Variants in IL1RN observed in about 807,000 individuals in gnomAD.
IL1RN encodes interleukin 1 receptor antagonist.
IL1RN carries 10 observed loss-of-function variants against 13.7 expected under a neutral mutation model. The observed-to-expected ratio is 0.73, with a 90% CI of 0.45 to 1.24. IL1RN has a LOEUF of 1.24. Among genes scored for constraint, IL1RN ranks in the 50% most tolerant of loss-of-function variants. The pLI, the probability that IL1RN is intolerant of heterozygous loss-of-function variation, is 0.00. For synonymous variants in IL1RN, 102 were observed against 82.7 expected, an observed-to-expected ratio of 1.23 and a Z score of -1.27; for missense variants, 213 against 222.1, an observed-to-expected ratio of 0.96 and a Z score of 0.26.
chr2:113,112,391 AG>A (rs1686516035), intron 1 of IL1RN, among the ~76,000 whole-genome samples: 1 of 152,256 alleles, frequency 6.6e-6, no homozygotes, highest in East Asian at 1.9e-4. Context: ...CAAATTGAAA[AG>A]TTGCTAGTCC....
At chr2:113,120,664 G>A (rs1686741535) in intron 2 of IL1RN, among the ~76,000 whole-genome samples, 1 of 152,146 alleles carries the variant, frequency 6.6e-6, no homozygotes, top group East Asian at 1.9e-4. Flanking sequence ...AGCTTTCCCT[G>A]TAACCTGTGT....
In IL1RN at chr2:113,132,827, G is replaced by A. The variant is rs188868709; in HGVS notation, c.490G>A (p.Glu164Lys). Residue 164 changes from glutamate to lysine, a missense_variant, in exon 4 of 4, where the codon GAA (glutamate) becomes AAA (lysine). Physicochemically the swap from Glu to Lys is moderately conservative, Grantham distance 56 (BLOSUM62 1). Coordinates refer to ENST00000409930, the MANE Select transcript of IL1RN (RefSeq NM_173842.3). ...CGTCAGCCTCACCAATATGCCTGACGAAGGCGTCATGGTCACCAAATTCTA... is the reference window on the plus strand; with the variant it reads ...CGTCAGCCTCACCAATATGCCTGACAAAGGCGTCATGGTCACCAAATTCTA... ...QPVSLTNMPD[E>K]GVMVTKFYFQ... 3.1e-6 allele frequency: 5 copies of A among 1,614,112 alleles called. No individual in the cohort carries two copies. The highest frequency in any genetic ancestry group is 1.3e-5 in the African/African-American group (1 of 74,936).
intron 2 of IL1RN, chr2:113,120,160 C>G: frequency 6.9e-7 from 1 of 1,448,962 alleles, no homozygotes; most frequent in Non-Finnish European, 9.7e-7. Flanking sequence ...AGTTTGAAAA[C>G]AATTTTAGGC....
upstream of IL1RN, among the ~76,000 whole-genome samples, chr2:113,114,186 G>A (rs926244724): frequency 2.0e-5 from 3 of 152,160 alleles, no homozygotes; most frequent in East Asian, 1.9e-4. Context: ...TTTCTCTATC[G>A]AAGGCCATAA....
chr2:113,102,439 G>A (rs898231993), upstream of IL1RN, among the ~76,000 whole-genome samples: 18 of 152,200 alleles, frequency 1.2e-4, no homozygotes, highest in Admixed American at 3.3e-4. Flanking sequence ...GAGGGATTCA[G>A]TTCACACAGA....
the IL1RN span, among the ~76,000 whole-genome samples, chr2:113,099,502 C>T: frequency 8.5e-5 from 13 of 152,284 alleles, no homozygotes; most frequent in South Asian, 2.3e-3. Context: ...AGAAAACGAG[C>T]GAACTCACAG....
chr2:113,111,686 A>T (rs1161390380), intron 1 of IL1RN, among the ~76,000 whole-genome samples: 1 of 152,216 alleles, frequency 6.6e-6, no homozygotes, highest in African/African-American at 2.4e-5. Flanking sequence ...TTATGACTGC[A>T]TTGCAGCTCA....
the IL1RN span, among the ~76,000 whole-genome samples, chr2:113,099,910 A>ACT: frequency 7.1e-6 from 1 of 140,476 alleles, no homozygotes; most frequent in Non-Finnish European, 1.6e-5. Flanking sequence ...AATTTTTTGT[A>ACT]TTTTTAGTAG....
chr2:113,121,339 AG>A, intron 2 of IL1RN: 1 of 439,514 alleles, frequency 2.3e-6, no homozygotes, highest in Non-Finnish European at 3.0e-6. Flanking sequence ...TGTGGACAAA[AG>A]GAGATCTGTG....
chr2:113,127,503 G>A, upstream of IL1RN: 1 of 1,468,192 alleles, frequency 6.8e-7, no homozygotes, highest in Non-Finnish European at 9.0e-7. Flanking sequence ...TGCGAGGAGG[G>A]TATTTCCGCT....
upstream of IL1RN, among the ~76,000 whole-genome samples, chr2:113,104,934 G>T (rs1377434988): frequency 6.6e-6 from 1 of 152,160 alleles, no homozygotes; most frequent in Non-Finnish European, 1.5e-5. Flanking sequence ...ACATAGTTCT[G>T]ATTTTGAGAA....
At chr2:113,104,329 G>A (rs1686356944), upstream of IL1RN, among the ~76,000 whole-genome samples, 1 of 152,156 alleles carries the variant, frequency 6.6e-6, no homozygotes, top group African/African-American at 2.4e-5. Context: ...TTCACAGCAT[G>A]AAGTCACCAG....
chr2:113,120,151 G>A, intron 2 of IL1RN: 1 of 1,575,552 alleles, frequency 6.3e-7, no homozygotes, highest in South Asian at 1.1e-5. Flanking sequence ...TAGGATCCAA[G>A]TTTGAAAACA....
chr2:113,132,584 G>C, intron 3 of IL1RN, 72 bp from the exon 4 acceptor site: 1 of 1,377,694 alleles, frequency 7.3e-7, no homozygotes, highest in Non-Finnish European at 1.0e-6. Flanking sequence ...ATTTCATGGC[G>C]TGGAGTGGAG....
chr2:113,118,105 CT>C (rs1558862763), intron 1 of IL1RN: 1 of 1,610,196 alleles, frequency 6.2e-7, no homozygotes, highest in Non-Finnish European at 8.5e-7. Context: ...TTATCAAATG[CT>C]TTCAGGCTCT....
chr2:113,127,605 T>C lies in IL1RN; in HGVS notation c.-20T>C. ...CTCTGGGCCCGCAATGGCAGTCCACTGCCTTGCTGCAGTCACAGAATGGAA... is the reference window on the plus strand; with the variant it reads ...CTCTGGGCCCGCAATGGCAGTCCACCGCCTTGCTGCAGTCACAGAATGGAA... On this transcript the variant is annotated 5_prime_UTR_variant, in exon 1 of 4. Coordinates refer to ENST00000409930, the MANE Select transcript of IL1RN (RefSeq NM_173842.3). The C allele has an allele frequency of 6.2e-7, 1 of 1,613,444 alleles. No individual in the cohort carries two copies.
chr2:113,112,049 G>T (rs941921570), intron 1 of IL1RN, among the ~76,000 whole-genome samples: 7 of 152,214 alleles, frequency 4.6e-5, no homozygotes, highest in Non-Finnish European at 8.8e-5. Context: ...GCAATCCTTT[G>T]TAAGAGACCA....
Position 113,131,229 on chromosome 2 carries a change from G to C in IL1RN, c.318+72G>C, listed in dbSNP as rs1472618324. On this transcript the variant is annotated intron_variant, in intron 3 of 3. Transcript: ENST00000409930. ...TGAAACAACCAAAATTTTTTCTTAT[G>C]ATTCTGTGGGTTGACCAGGATTAGC... 4.5e-6 allele frequency: 4 copies of C among 898,506 alleles called. 1 individual carries two copies. Among genetic ancestry groups the C allele is most frequent in the Non-Finnish European group, 7.5e-6 (4 of 530,684 alleles). The allele number at this position is 898,506 out of a possible 1,614,324, so 55.7% of individuals were successfully genotyped here.
chr2:113,123,491 T>A (rs1164343858), upstream of IL1RN, among the ~76,000 whole-genome samples: 1 of 152,218 alleles, frequency 6.6e-6, no homozygotes, highest in East Asian at 1.9e-4. Flanking sequence ...TCACAGGTAC[T>A]GAAGCCCTCC....
Sources: gnomAD v4.1 joint callset for allele counts (sites outside exome capture counted in the v4.1 genomes callset) on GRCh38, gnomAD v4.1.1 for gene constraint, MANE v1.5 for transcripts, NCBI Gene and HGNC (gene_info 2026-07-23, HGNC 2026-07-21) for gene names.